LGSN: variants seen among roughly 807,000 people sequenced by gnomAD.
LGSN encodes the protein lengsin.
In LGSN, 21 loss-of-function variants were observed where a neutral mutation model predicts 19.5. The ratio of observed to expected loss-of-function variants is 1.07; its 90% CI spans 0.76 to 1.55. The LOEUF is 1.55. Among genes scored for constraint, LGSN ranks in the 40% most tolerant of loss-of-function variants. The pLI is 0.00. For missense variants in LGSN, 673 were observed against 608.5 expected, an observed-to-expected ratio of 1.11 and a Z score of -1.12; for synonymous variants, 257 against 215.6, an observed-to-expected ratio of 1.19 and a Z score of -1.68.
At chr6:63,353,778 A>G in the LGSN span, among the ~76,000 whole-genome samples, 447 of 152,204 alleles carry the variant, frequency 2.9e-3, 2 homozygotes, top group African/African-American at 0.01. Flanking sequence ...AAGCATCATT[A>G]CAGTGATACA....
chr6:63,430,918 AT>A, the LGSN span, among the ~76,000 whole-genome samples: 1 of 152,136 alleles, frequency 6.6e-6, no homozygotes, highest in African/African-American at 2.4e-5. Flanking sequence ...TCTACCACAT[AT>A]GATTTATAAT....
chr6:63,414,725 G>A, the LGSN span, among the ~76,000 whole-genome samples: 2 of 152,174 alleles, frequency 1.3e-5, no homozygotes, highest in South Asian at 4.1e-4. Context: ...GACCAGCCTG[G>A]GCAACATGGC....
chr6:63,389,670 G>T, the LGSN span, among the ~76,000 whole-genome samples: 1 of 152,170 alleles, frequency 6.6e-6, no homozygotes, highest in African/African-American at 2.4e-5. Context: ...CTGCTACATG[G>T]TTGCATTTCA....
chr6:63,410,281 A>G, the LGSN span, among the ~76,000 whole-genome samples: 1 of 152,152 alleles, frequency 6.6e-6, no homozygotes, highest in African/African-American at 2.4e-5. Context: ...GGTCCATTCT[A>G]AACTCAGTAA....
the LGSN span, among the ~76,000 whole-genome samples, chr6:63,350,197 A>G: frequency 6.6e-6 from 1 of 152,218 alleles, no homozygotes; most frequent in Non-Finnish European, 1.5e-5. Context: ...TTAGTTAAGA[A>G]AACTGGATTT....
the LGSN span, among the ~76,000 whole-genome samples, chr6:63,520,672 A>AATAT: frequency 6.6e-6 from 1 of 150,830 alleles, no homozygotes; most frequent in African/African-American, 2.4e-5. Flanking sequence ...TAAATAAATA[A>AATAT]AATGAAAATA....
At chr6:63,444,226 A>T in the LGSN span, among the ~76,000 whole-genome samples, 1 of 152,152 alleles carries the variant, frequency 6.6e-6, no homozygotes, top group African/African-American at 2.4e-5. Context: ...TTTTTCAAAA[A>T]AAAAATAGAT....
At chr6:63,336,776 G>T in the LGSN span, among the ~76,000 whole-genome samples, 2 of 151,090 alleles carry the variant, frequency 1.3e-5, no homozygotes, top group South Asian at 4.2e-4. Context: ...TTACAGGTGT[G>T]CATTACCACG....
chr6:63,509,943 A>C, the LGSN span, among the ~76,000 whole-genome samples: 1 of 152,220 alleles, frequency 6.6e-6, no homozygotes, highest in African/African-American at 2.4e-5. Flanking sequence ...CTTTAGGGAA[A>C]GTTTCACTAA....
At chr6:63,539,280 T>C in the LGSN span, among the ~76,000 whole-genome samples, 1 of 152,092 alleles carries the variant, frequency 6.6e-6, no homozygotes, top group African/African-American at 2.4e-5. Context: ...AACAAAGAGA[T>C]AAAGAGTAAT....
chr6:63,426,705 G>C, the LGSN span, among the ~76,000 whole-genome samples: 1 of 152,094 alleles, frequency 6.6e-6, no homozygotes, highest in Non-Finnish European at 1.5e-5. Flanking sequence ...AGTAGAGACA[G>C]GATTTTGCCA....
the LGSN span, among the ~76,000 whole-genome samples, chr6:63,540,424 C>A: frequency 0.087 from 13,236 of 151,974 alleles, 617 homozygotes; most frequent in East Asian, 0.16. Flanking sequence ...AGTTTGAGAC[C>A]AGCCTGATCA....
At chr6:63,344,610 G>C in the LGSN span, among the ~76,000 whole-genome samples, 7 of 152,242 alleles carry the variant, frequency 4.6e-5, no homozygotes, top group African/African-American at 1.7e-4. Flanking sequence ...CTGAAGGCCT[G>C]GGAGAGATTC....
chr6:63,418,138 T>C, the LGSN span, among the ~76,000 whole-genome samples: 127 of 152,334 alleles, frequency 8.3e-4, 2 homozygotes, highest in East Asian at 0.018. Flanking sequence ...ATTTAATTTT[T>C]AGTATTTTAT....
the LGSN span, among the ~76,000 whole-genome samples, chr6:63,440,354 G>A: frequency 1.3e-5 from 2 of 152,128 alleles, no homozygotes; most frequent in African/African-American, 4.8e-5. Flanking sequence ...GTGGTGACTT[G>A]GCATTCAATC....
the LGSN span, among the ~76,000 whole-genome samples, chr6:63,533,140 G>A: frequency 3.3e-5 from 5 of 152,200 alleles, no homozygotes; most frequent in Admixed American, 2.6e-4. Context: ...CCAGCACTTT[G>A]GGAGGCTGAG....
chr6:63,393,963 G>C, the LGSN span, among the ~76,000 whole-genome samples: 1 of 152,052 alleles, frequency 6.6e-6, no homozygotes, highest in African/African-American at 2.4e-5. Flanking sequence ...GGTCACAAAG[G>C]CTTTGCTAAT....
the LGSN span, among the ~76,000 whole-genome samples, chr6:63,430,689 A>C: frequency 1.3e-5 from 2 of 152,248 alleles, no homozygotes; most frequent in Non-Finnish European, 2.9e-5. Flanking sequence ...CATCCAGCCT[A>C]AAATCGTTTA....
At chr6:63,440,636 A>C in the LGSN span, 1 of 152,128 alleles carries the variant, frequency 6.6e-6, no homozygotes, top group African/African-American at 2.4e-5. Context: ...AGGTGTAGGC[A>C]CCAGAGGCGA....
Sources: allele counts gnomAD v4.1 joint callset (sites outside exome capture counted in the v4.1 genomes callset), GRCh38; gene constraint gnomAD v4.1.1; transcripts MANE v1.5; gene names NCBI Gene and HGNC (gene_info 2026-07-23, HGNC 2026-07-21).